The following EGFR variants were observed in gnomAD, a reference collection of about 807,000 sequenced individuals.
EGFR encodes epidermal growth factor receptor, also known as avian erythroblastic leukemia viral (v-erb-b) oncogene homolog.
Under a neutral mutation model 143.0 loss-of-function variants are expected in EGFR, and 58 were observed. The ratio of observed to expected loss-of-function variants is 0.41; its 90% CI spans 0.33 to 0.50. EGFR has a LOEUF of 0.50. EGFR is among the 20% of genes least tolerant of loss of function. The pLI is 0.39. For missense variants in EGFR, 1,307 were observed against 1,579.0 expected (o/e 0.83, Z 2.92); for synonymous variants, 613 against 594.4 (o/e 1.03, Z -0.45).
At chr7:55,058,307 T>C (rs1788956305) in intron 1 of EGFR, among the ~76,000 whole-genome samples, 2 of 152,104 alleles carry the variant, frequency 1.3e-5, no homozygotes, top group Non-Finnish European at 2.9e-5. Flanking sequence ...GGCAGGAAAA[T>C]TGCTTGAACG....
intron 1 of EGFR, among the ~76,000 whole-genome samples, chr7:55,097,226 C>A (rs902188033): frequency 6.8e-6 from 1 of 148,068 alleles, no homozygotes; most frequent in Non-Finnish European, 1.5e-5. Flanking sequence ...TGTCTTTGCA[C>A]TTCTTCAAGG....
rs763803308 is a variant in EGFR, at chr7:55,207,416, T to A, written c.*1799T>A. 4.9e-6 allele frequency: 1 copy of A among 202,306 alleles called. No individual in the cohort carries two copies. The highest frequency in any genetic ancestry group is 1.0e-5 in the Non-Finnish European group (1 of 98,582). 12.5% of individuals were successfully genotyped at this position (202,306 alleles called of 1,614,324 possible). A position where few individuals can be genotyped will look rare whatever the true frequency, so the allele number is the denominator to read the frequency against. ...AGATACAAAGATAAATAAAACATAG[T>A]CCCTGATTCTAAGAAATTCACAATT... is the stretch of plus-strand genomic sequence containing the variant. On this transcript the variant is annotated 3_prime_UTR_variant, in exon 28 of 28. Transcript: ENST00000275493.
rs749783044 is a variant in EGFR at position 55,202,556 on chromosome 7, C to T, written c.3202C>T (p.Arg1068Ter). Reference sequence around the variant, plus strand: ...CATCAAGGAAGACAGCTTCTTGCAGCGATACAGCTCAGACCCCACAGGCGC... The same window carrying T: ...CATCAAGGAAGACAGCTTCTTGCAGTGATACAGCTCAGACCCCACAGGCGC... Reference protein sequence around the residue: ...CPIKEDSFLQRYSSDPTGALT... With the variant: ...CPIKEDSFLQ The change falls in exon 27 of 28, where the codon CGA becomes TGA. Residue 1068 changes from arginine (R) to a stop codon, truncating the protein, a stop_gained. Transcript: ENST00000275493. LOFTEE classifies it high-confidence loss of function. 2 of 1,612,864 alleles carry T rather than the reference C, an allele frequency of 1.2e-6. No homozygotes were observed. Among genetic ancestry groups the T allele is most frequent in the African/African-American group, 1.3e-5 (1 of 74,842 alleles).
At chr7:55,136,900 C>T (rs188544667) in intron 1 of EGFR, among the ~76,000 whole-genome samples, 76 of 152,244 alleles carry the variant, frequency 5.0e-4, no homozygotes, top group African/African-American at 1.7e-3. Flanking sequence ...ATGCCATTTT[C>T]GACTGCTATT....
At chr7:55,091,478 T>C (rs551934525) in intron 1 of EGFR, among the ~76,000 whole-genome samples, 4 of 152,262 alleles carry the variant, frequency 2.6e-5, no homozygotes, top group Admixed American at 6.5e-5. Context: ...GAGGCCACAG[T>C]TGGGTTGGGG....
chr7:55,037,289 T>A (rs1787641524), intron 1 of EGFR, among the ~76,000 whole-genome samples: 1 of 152,124 alleles, frequency 6.6e-6, no homozygotes, highest in Non-Finnish European at 1.5e-5. Context: ...GGGTACAGGG[T>A]TACATGGATA....
chr7:55,078,073 GGAA>G (rs1419558170), intron 1 of EGFR, among the ~76,000 whole-genome samples: 5 of 152,202 alleles, frequency 3.3e-5, no homozygotes, highest in Admixed American at 6.5e-5. Context: ...CGAGTCAAAG[GGAA>G]GAAGAAGCTC....
chr7:55,110,157 T>C (rs1219543947), intron 1 of EGFR, among the ~76,000 whole-genome samples: 2 of 152,172 alleles, frequency 1.3e-5, no homozygotes, highest in Non-Finnish European at 2.9e-5. Flanking sequence ...ATTTACCTTA[T>C]TTTTAAAAGA....
At chr7:55,198,982 C>T (rs922705378) in intron 23 of EGFR, 119 bp downstream of exon 23, 3 of 1,345,286 alleles carry the variant, frequency 2.2e-6, no homozygotes, top group African/African-American at 2.9e-5. Flanking sequence ...AAGGCAGGCA[C>T]ACAAATCCAG....
chr7:55,203,827 T>C (rs1248489945), intron 27 of EGFR, among the ~76,000 whole-genome samples: 1 of 151,658 alleles, frequency 6.6e-6, no homozygotes, highest in Non-Finnish European at 1.5e-5. Context: ...GATTTAGATA[T>C]ATATAAAACA....
Position 55,191,710 on chromosome 7 carries a change from C to G in EGFR, c.2470-9C>G, listed in dbSNP as rs1046060793. 6.2e-7 allele frequency: 1 copy of G among 1,613,596 alleles called. No homozygotes were observed. Among genetic ancestry groups the G allele is most frequent in the African/African-American group, 1.3e-5 (1 of 74,898 alleles). ...TCTGTCCCTCACAGCAGGGTCTTCT[C>G]TGTTTCAGGGCATGAACTACTTGGA... On this transcript the variant is annotated splice_polypyrimidine_tract_variant and intron_variant, in intron 20 of 27. Transcript: ENST00000275493.
intron 2 of EGFR, among the ~76,000 whole-genome samples, chr7:55,142,959 T>C (rs972349531): frequency 2.0e-5 from 3 of 152,352 alleles, no homozygotes; most frequent in Middle Eastern, 3.4e-3. Context: ...TACCTTTCCT[T>C]TTTAAATAAG....
chr7:55,046,653 C>T (rs1429996699), intron 1 of EGFR, among the ~76,000 whole-genome samples: 1 of 151,806 alleles, frequency 6.6e-6, no homozygotes, highest in African/African-American at 2.4e-5. Flanking sequence ...CTGCACTACG[C>T]TTCTCGTACA....
chr7:55,178,136 G>T (rs1176198665), intron 19 of EGFR, among the ~76,000 whole-genome samples: 1 of 152,212 alleles, frequency 6.6e-6, no homozygotes, highest in Non-Finnish European at 1.5e-5. Flanking sequence ...AAACTGCTCT[G>T]GTTTGCAGAT....
Position 55,173,055 on chromosome 7 carries a change from C to T in EGFR, c.1992C>T (p.Ile664=), listed in dbSNP as rs200855539. 1.2e-5 allele frequency: 19 copies of T among 1,613,794 alleles called. No individual in the cohort carries two copies. The Middle Eastern group carries it at 4.9e-4, about 42-fold the overall frequency. ...TGCTGCTGGTGGTGGCCCTGGGGAT[C>T]GGCCTCTTCATGCGAAGGCGCCACA... The part of the protein sequence containing the change: ...LLLLLVVALG[I]GLFMRRRHIV... Residue 664 remains isoleucine, a synonymous_variant, in exon 17 of 28, where the codon ATC becomes ATT. Transcript: ENST00000275493.
intron 1 of EGFR, among the ~76,000 whole-genome samples, chr7:55,039,705 A>G (rs1034395087): frequency 6.6e-6 from 1 of 152,186 alleles, no homozygotes; most frequent in Non-Finnish European, 1.5e-5. Flanking sequence ...TAATTAAGAA[A>G]TAAATTGTGT....
intron 1 of EGFR, among the ~76,000 whole-genome samples, chr7:55,135,245 A>C (rs535938577): frequency 2.0e-5 from 3 of 152,006 alleles, no homozygotes; most frequent in African/African-American, 7.2e-5. Flanking sequence ...CCCTAACTCA[A>C]AATAAAGAGA....
intron 1 of EGFR, among the ~76,000 whole-genome samples, chr7:55,050,531 T>C (rs1158526745): frequency 1.3e-5 from 2 of 152,332 alleles, no homozygotes; most frequent in Admixed American, 6.5e-5. Flanking sequence ...TTTTAGCTAT[T>C]GTGAATAACG....
intron 1 of EGFR, among the ~76,000 whole-genome samples, chr7:55,108,642 G>A (rs1239163610): frequency 1.3e-5 from 2 of 152,200 alleles, no homozygotes; most frequent in African/African-American, 4.8e-5. Flanking sequence ...AGGAGAGATG[G>A]GGAAGGGAGT....
Sources: allele counts gnomAD v4.1 joint callset (sites outside exome capture counted in the v4.1 genomes callset), GRCh38; gene constraint gnomAD v4.1.1; transcripts MANE v1.5; gene names NCBI Gene and HGNC (gene_info 2026-07-23, HGNC 2026-07-21).